The following SLC17A7 variants were observed in gnomAD, a reference collection of about 807,000 sequenced individuals.
SLC17A7 encodes the protein solute carrier family 17 member 7.
SLC17A7 carries 15 observed loss-of-function variants against 59.1 expected under a neutral mutation model. That is an observed-to-expected ratio of 0.25 (90% CI 0.17 to 0.39). SLC17A7 has a LOEUF of 0.39. Ranked by LOEUF, SLC17A7 falls within the 10% of genes least tolerant of loss-of-function variation. SLC17A7 has a pLI of 1.00. For missense variants in SLC17A7, 499 were observed against 765.1 expected (o/e 0.65, Z 4.10); for synonymous variants, 353 against 308.9 (o/e 1.14, Z -1.50).
chr19:49,433,089 C>A lies in SLC17A7; in HGVS notation c.868-129G>T, dbSNP rs2078967135. 2.0e-6 allele frequency: 2 copies of A among 1,004,970 alleles called. No individual in the cohort carries two copies. The highest frequency in any genetic ancestry group is 1.6e-5 in the South Asian group (1 of 60,722). The allele number at this position is 1,004,970 out of a possible 1,614,324, so 62.3% of individuals were successfully genotyped here. ...CGACCGCACTGAAACTTCTATGGAC[C>A]CAAAGGCGCGGGCTACACCATGTTG... On this transcript the variant is annotated intron_variant, in intron 7 of 11. Transcript: ENST00000221485. This position sits in a 1 kb window ranked among gnomAD's most constrained non-coding sequence, Gnocchi z 5.7.
Position 49,430,683 on chromosome 19 carries a change from TCTC to T in SLC17A7, c.1516_1518del (p.Glu506del), listed in dbSNP as rs780514008. ...TGGTCATGGCCAACGAAGCCACACT[TCTC>T]CTCGCTCATCTCCTCAGGCTCTGCC... On this transcript the variant is annotated inframe_deletion, in exon 12 of 12. Coordinates refer to ENST00000221485, the MANE Select transcript of SLC17A7 (RefSeq NM_020309.4). 5.6e-6 allele frequency: 9 copies of T among 1,614,092 alleles called. No homozygotes were observed. Among genetic ancestry groups the T allele is most frequent in the Middle Eastern group, 3.3e-4 (2 of 6,062 alleles).
chr19:49,434,456 A>G, intron 5 of SLC17A7, 146 bp downstream of exon 5: 1 of 737,398 alleles, frequency 1.4e-6, no homozygotes, highest in Non-Finnish European at 2.1e-6. Context: ...CTTCCCTCAG[A>G]CCTGGGAGTC....
At chr19:49,435,360 CTT>C in intron 2 of SLC17A7, 74 bp from the exon 3 acceptor site, 1 of 1,061,350 alleles carries the variant, frequency 9.4e-7, no homozygotes, top group Non-Finnish European at 1.4e-6. Context: ...CACCCACAGA[CTT>C]AGCGTCTCGA....
rs1286063656 is a variant in SLC17A7 at position 49,441,508 on chromosome 19, G to T, written c.-129C>A. The T allele has an allele frequency of 1.5e-5, 16 of 1,056,000 alleles. No individual in the cohort carries two copies. Among genetic ancestry groups the T allele is most frequent in the African/African-American group, 1.7e-5 (1 of 58,470 alleles). The allele number at this position is 1,056,000 out of a possible 1,614,324, so 65.4% of individuals were successfully genotyped here. A position where few individuals can be genotyped will look rare whatever the true frequency, so the allele number is the denominator to read the frequency against. On this transcript the variant is annotated 5_prime_UTR_variant, in exon 1 of 12. Coordinates refer to ENST00000221485, the MANE Select transcript of SLC17A7 (RefSeq NM_020309.4). ...CCGGCCGGCCCCGCAGCTCCGCTCG[G>T]GGGGAAGGAGGCTGCAAGTGCAGGC...
At chr19:49,434,359 G>A (rs1363150645) in intron 5 of SLC17A7, among the ~76,000 whole-genome samples, 5 of 138,994 alleles carry the variant, frequency 3.6e-5, no homozygotes, top group Admixed American at 2.8e-4. Flanking sequence ...CCAGGAGTGC[G>A]GGCCTCCAGT....
In SLC17A7 at chr19:49,441,338, A is replaced by G. The variant is rs1310435657; in HGVS notation, c.42T>C (p.Arg14=). 3.0e-5 allele frequency: 49 copies of G among 1,609,464 alleles called. No individual in the cohort carries two copies. The highest frequency in any genetic ancestry group is 3.9e-5 in the Non-Finnish European group (46 of 1,178,860). Residue 14 remains arginine, a synonymous_variant, in exon 1 of 12, where the codon CGT becomes CGC. Transcript: ENST00000221485. The part of the protein sequence containing the change: ...RQEEFRKLAG[R]ALGKLHRLLE... ...CTCACCGGTGCAGCTTCCCGAGAGC[A>G]CGACCCGCTAGCTTCCGAAACTCCT...
rs2078968358 is a variant in SLC17A7 at position 49,433,398 on chromosome 19, A to AG, written c.867+327dup. The AG allele has an allele frequency of 2.1e-6, 1 of 469,478 alleles. No individual in the cohort carries two copies. Among genetic ancestry groups the AG allele is most frequent in the African/African-American group, 2.0e-5 (1 of 50,732 alleles). The allele number at this position is 469,478 out of a possible 1,614,324, so 29.1% of individuals were successfully genotyped here. On this transcript the variant is annotated intron_variant, in intron 7 of 11. Coordinates refer to ENST00000221485, the MANE Select transcript of SLC17A7 (RefSeq NM_020309.4). The surrounding 1 kb of genome is among the most constrained non-coding windows in gnomAD (Gnocchi z 5.7). ...CGGAAGCCACTGAGCCTGCCCTAGG[A>AG]GTCTCTTTTTATCAAAAATGCTCCC...
At chr19:49,437,854 A>G (rs1297026035) in intron 1 of SLC17A7, 3 of 144,180 alleles carry the variant, frequency 2.1e-5, no homozygotes, top group African/African-American at 7.9e-5. Flanking sequence ...AGAGAGAGGA[A>G]CAGAGACCCA....
At chr19:49,439,895 G>A (rs936130769) in intron 1 of SLC17A7, among the ~76,000 whole-genome samples, 4 of 148,162 alleles carry the variant, frequency 2.7e-5, no homozygotes, top group East Asian at 1.9e-4. Flanking sequence ...CATCCCTCCC[G>A]CTGCCACCCC....
At chr19:49,432,770 G>T (rs1177745933) in intron 8 of SLC17A7, 41 bp downstream of exon 8, 3 of 1,559,124 alleles carry the variant, frequency 1.9e-6, no homozygotes, top group Non-Finnish European at 1.8e-6. Flanking sequence ...CCCTCCCGCC[G>T]ACCCCTCCGC....
chr19:49,430,537 G>C lies in SLC17A7; in HGVS notation c.1665C>G (p.Pro555=). 1 of 1,584,816 alleles carries C rather than the reference G, an allele frequency of 6.3e-7. No individual in the cohort carries two copies. Among genetic ancestry groups the C allele is most frequent in the Non-Finnish European group, 8.6e-7 (1 of 1,164,382 alleles). The part of the protein sequence containing the change: ...HSTFQPPRPP[P]PVRDY ...CACATGGTCAGTAGTCCCGGACAGG[G>C]GGTGGGGGCCTGGGGGGCTGAAATG... The change falls in exon 12 of 12, where the codon CCC becomes CCG. Residue 555 remains proline (P), a synonymous_variant. Coordinates refer to ENST00000221485, the MANE Select transcript of SLC17A7 (RefSeq NM_020309.4).
rs371669382 is a variant in SLC17A7 at position 49,431,320 on chromosome 19, C to T, written c.1261+18G>A. 1.2e-6 allele frequency: 2 copies of T among 1,611,846 alleles called. No individual in the cohort carries two copies. Among genetic ancestry groups the T allele is most frequent in the Non-Finnish European group, 1.7e-6 (2 of 1,178,342 alleles). On this transcript the variant is annotated intron_variant, in intron 10 of 11. Coordinates refer to ENST00000221485, the MANE Select transcript of SLC17A7 (RefSeq NM_020309.4). This position sits in a 1 kb window ranked among gnomAD's most constrained non-coding sequence, Gnocchi z 4.6. ...GAGCTGACCAGAGTCCCCCAAGCTG[C>T]GGATCCGCGGTTCTCACCAGAGATG... is the stretch of plus-strand genomic sequence containing the variant.
In SLC17A7 at chr19:49,429,705, G is replaced by A. The variant is rs1426973698; in HGVS notation, c.*814C>T. The A allele has an allele frequency of 7.6e-6, 3 of 396,606 alleles. No homozygotes were observed. The highest frequency in any genetic ancestry group is 3.6e-5 in the East Asian group (1 of 28,032). 24.6% of individuals were successfully genotyped at this position (396,606 alleles called of 1,614,324 possible). A position where few individuals can be genotyped will look rare whatever the true frequency, so the allele number is the denominator to read the frequency against. The stretch of plus-strand genomic sequence containing the variant: ...AATAAAGTGCGAGGAATTGGGGAGG[G>A]GGCATCATGAAACCACCATGGGGGA... On this transcript the variant is annotated 3_prime_UTR_variant, in exon 12 of 12. Transcript: ENST00000221485.
rs1323454627 is a variant in SLC17A7, at chr19:49,436,469, G to T, written c.315+80C>A. 1.1e-5 allele frequency: 17 copies of T among 1,542,946 alleles called. No homozygotes were observed. The highest frequency in any genetic ancestry group is 1.4e-5 in the African/African-American group (1 of 73,996). ...AGGGGCGTGGCCTGGACGTCTGGTGGGTGAGTGTGACGTCATGGGGGCGTA... is the reference window on the plus strand; with the variant it reads ...AGGGGCGTGGCCTGGACGTCTGGTGTGTGAGTGTGACGTCATGGGGGCGTA... On this transcript the variant is annotated intron_variant, in intron 2 of 11. Transcript: ENST00000221485. This position sits in a 1 kb window ranked among gnomAD's most constrained non-coding sequence, Gnocchi z 4.1.
chr19:49,435,362 T>G, intron 2 of SLC17A7, 76 bp from the exon 3 acceptor site: 1 of 1,042,718 alleles, frequency 9.6e-7, no homozygotes, highest in Non-Finnish European at 1.5e-6. Context: ...CCCACAGACT[T>G]AGCGTCTCGA....
intron 3 of SLC17A7, 140 bp downstream of exon 3, chr19:49,435,028 G>A: frequency 9.9e-7 from 1 of 1,008,040 alleles, no homozygotes; most frequent in Non-Finnish European, 1.5e-6. Flanking sequence ...TCAATCGCAA[G>A]CCCCACCTTT....
At chr19:49,439,341 C>T (rs530713918) in intron 1 of SLC17A7, among the ~76,000 whole-genome samples, 14 of 152,154 alleles carry the variant, frequency 9.2e-5, no homozygotes, top group Non-Finnish European at 1.8e-4. Context: ...AGCAATGGGA[C>T]CTGATCCCTT....
In SLC17A7 at chr19:49,432,578, A is replaced by G. The variant is rs1411484638; in HGVS notation, c.1091T>C (p.Phe364Ser). The stretch of plus-strand genomic sequence containing the variant: ...GGACATGATGCGGCGGCTCCGCAGG[A>G]AGTCCGCGATCTGGCCGCCGATGGG... Reference protein sequence around the residue: ...IVPIGGQIADFLRSRRIMSTT... With the variant: ...IVPIGGQIADSLRSRRIMSTT... Residue 364 changes from phenylalanine (F) to serine (S), a missense_variant, in exon 9 of 12, where the codon TTC becomes TCC. Transcript: ENST00000221485. 5.6e-6 allele frequency: 9 copies of G among 1,611,524 alleles called. No individual in the cohort carries two copies. In the East Asian group the frequency reaches 2.0e-4, roughly 36 times the overall value.
At position 49,436,355 on chromosome 19, in the gene SLC17A7, G is replaced by A. The variant is rs1338823905; in HGVS notation, c.315+194C>T. Among the ~76,000 whole-genome samples the A allele has an allele frequency of 1.3e-5, 2 of 149,738 alleles. No homozygotes were observed. The highest frequency in any genetic ancestry group is 1.9e-4 in the East Asian group (1 of 5,184). ...GGCGGGACTTCATTTAGATCAGGAC[G>A]GGGCTTAGGAAACGGAGGCGGCCCC... On this transcript the variant is annotated intron_variant, in intron 2 of 11. Transcript: ENST00000221485. The surrounding 1 kb of genome is among the most constrained non-coding windows in gnomAD (Gnocchi z 4.1).
Sources: gnomAD v4.1 joint callset for allele counts (sites outside exome capture counted in the v4.1 genomes callset) on GRCh38, gnomAD v4.1.1 for gene constraint, Gnocchi (gnomAD v3.1) non-coding constraint, MANE v1.5 for transcripts, NCBI Gene and HGNC (gene_info 2026-07-23, HGNC 2026-07-21) for gene names.